The following LRIF1 variants were observed in gnomAD, a reference collection of about 807,000 sequenced individuals.
The protein encoded by LRIF1 is ligand dependent nuclear receptor interacting factor 1.
A neutral mutation model predicts 52.7 loss-of-function variants in LRIF1; 32 were observed. The ratio of observed to expected loss-of-function variants is 0.61; its 90% CI spans 0.46 to 0.82. LRIF1 has a LOEUF of 0.82. Among genes scored for constraint, LRIF1 ranks in the 40% least tolerant of loss-of-function variants. LRIF1 has a pLI of 0.00. For missense variants in LRIF1, 887 were observed against 892.0 expected, an observed-to-expected ratio of 0.99 and a Z score of 0.07; for synonymous variants, 323 against 317.4, an observed-to-expected ratio of 1.02 and a Z score of -0.19.
chr1:110,881,565 A>C, the LRIF1 span, among the ~76,000 whole-genome samples: 5 of 152,290 alleles, frequency 3.3e-5, no homozygotes, highest in South Asian at 1.0e-3. Flanking sequence ...AAAACTATGA[A>C]CCTTCCTGTA....
chr1:110,896,694 T>C, the LRIF1 span: 2 of 1,613,580 alleles, frequency 1.2e-6, no homozygotes, highest in Non-Finnish European at 1.7e-6. Context: ...ATTGGACCAG[T>C]GGCCCACCAG....
chr1:110,947,396 A>G lies in LRIF1; in HGVS notation c.*563T>C, dbSNP rs1489804331. On this transcript the variant is annotated 3_prime_UTR_variant, in exon 4 of 4. Transcript: ENST00000369763. The stretch of plus-strand genomic sequence containing the variant: ...ATAAAATTACATTGTAAAGTTACAA[A>G]TGTTGCTCATTCTTGAGAAATGTTT... 6.6e-6 allele frequency: 1 copy of G among 152,246 alleles called. No individual in the cohort carries two copies. Among genetic ancestry groups the G allele is most frequent in the Non-Finnish European group, 1.5e-5 (1 of 68,054 alleles). 9.4% of individuals were successfully genotyped at this position (152,246 alleles called of 1,614,324 possible).
chr1:110,916,151 G>A, the LRIF1 span, among the ~76,000 whole-genome samples: 1 of 152,064 alleles, frequency 6.6e-6, no homozygotes, highest in East Asian at 1.9e-4. Flanking sequence ...AGTGATCCCA[G>A]ATGAAAAGTC....
chr1:110,887,950 T>G, the LRIF1 span, among the ~76,000 whole-genome samples: 5 of 152,222 alleles, frequency 3.3e-5, no homozygotes, highest in East Asian at 9.6e-4. Context: ...GGGGTGATTA[T>G]CCTGGATTAG....
the LRIF1 span, among the ~76,000 whole-genome samples, chr1:110,927,703 T>C: frequency 6.6e-6 from 1 of 152,154 alleles, no homozygotes; most frequent in Admixed American, 6.6e-5. Flanking sequence ...ACTTTTACCT[T>C]CCAGGTTTTC....
rs760354448 is a variant in LRIF1, at chr1:110,951,922, A to G, written c.962T>C (p.Phe321Ser). 10 of 1,613,924 alleles carry G rather than the reference A, an allele frequency of 6.2e-6. No individual in the cohort carries two copies. In the Admixed American group the frequency reaches 8.3e-5, roughly 13 times the overall value. ...ATCTCCCAAATTTTTCCTATCTACA[A>G]AAGTTTTTAAAATCTTTGAAGCCAC... is the stretch of plus-strand genomic sequence containing the variant. ...NNVASKILKT[F>S]VDRKNLGDNT... Residue 321 changes from phenylalanine to serine, a missense_variant, in exon 2 of 4, where the codon TTT (phenylalanine) becomes TCT (serine). Physicochemically the swap from Phe to Ser is radical, Grantham distance 155. Coordinates refer to ENST00000369763, the MANE Select transcript of LRIF1 (RefSeq NM_018372.4).
chr1:110,963,105 TTC>T (rs902422248), intron 1 of LRIF1, among the ~76,000 whole-genome samples: 2 of 152,258 alleles, frequency 1.3e-5, no homozygotes, highest in Admixed American at 6.5e-5. Flanking sequence ...CCAGTCTTAC[TTC>T]TCTCTCTTCA....
the LRIF1 span, among the ~76,000 whole-genome samples, chr1:110,917,078 C>T: frequency 1.3e-5 from 2 of 152,188 alleles, no homozygotes; most frequent in Non-Finnish European, 2.9e-5. Flanking sequence ...GGGCAGCAGC[C>T]AGTCTAGCAA....
chr1:110,956,369 A>G (rs1658701163), intron 1 of LRIF1, among the ~76,000 whole-genome samples: 1 of 152,230 alleles, frequency 6.6e-6, no homozygotes, highest in African/African-American at 2.4e-5. Context: ...CAAAAAAATC[A>G]AAGAAGAGCA....
the LRIF1 span, among the ~76,000 whole-genome samples, chr1:110,917,281 C>T: frequency 5.9e-5 from 9 of 152,356 alleles, no homozygotes; most frequent in African/African-American, 2.2e-4. Flanking sequence ...TTGCCACTCT[C>T]TCCCAATTTA....
intron 1 of LRIF1, among the ~76,000 whole-genome samples, chr1:110,963,050 T>C (rs1159776923): frequency 6.6e-6 from 1 of 152,212 alleles, no homozygotes; most frequent in African/African-American, 2.4e-5. Flanking sequence ...TACACCCTAC[T>C]TCAAAAAGGC....
At chr1:110,911,280 C>T in the LRIF1 span, among the ~76,000 whole-genome samples, 1 of 152,024 alleles carries the variant, frequency 6.6e-6, no homozygotes, top group Non-Finnish European at 1.5e-5. Flanking sequence ...CATACAACCT[C>T]CCAAGACTGA....
At chr1:110,901,755 C>T in the LRIF1 span, among the ~76,000 whole-genome samples, 1 of 152,166 alleles carries the variant, frequency 6.6e-6, no homozygotes, top group Non-Finnish European at 1.5e-5. Flanking sequence ...GGATTATAGG[C>T]GTGAGGCACC....
At chr1:110,955,150 A>T (rs912443391) in intron 1 of LRIF1, among the ~76,000 whole-genome samples, 1 of 152,148 alleles carries the variant, frequency 6.6e-6, no homozygotes, top group African/African-American at 2.4e-5. Context: ...CCCAAGTTCC[A>T]TCTTCTGCAG....
the LRIF1 span, among the ~76,000 whole-genome samples, chr1:110,916,133 A>G: frequency 5.9e-5 from 9 of 152,208 alleles, no homozygotes; most frequent in Non-Finnish European, 1.2e-4. Flanking sequence ...TATGTACTTT[A>G]GGCAGAAAGT....
chr1:110,921,046 G>T, the LRIF1 span, among the ~76,000 whole-genome samples: 1 of 152,090 alleles, frequency 6.6e-6, no homozygotes, highest in South Asian at 2.1e-4. Context: ...AAGTACAAAT[G>T]AACATGACTT....
At position 110,952,819 on chromosome 1, in the gene LRIF1, A is replaced by G; in HGVS notation, c.69-4T>C. 6.4e-7 allele frequency: 1 copy of G among 1,557,866 alleles called. No individual in the cohort carries two copies. Among genetic ancestry groups the G allele is most frequent in the African/African-American group, 1.4e-5 (1 of 73,098 alleles). On this transcript the variant is annotated splice_polypyrimidine_tract_variant and splice_region_variant and intron_variant, in intron 1 of 3. Coordinates refer to ENST00000369763, the MANE Select transcript of LRIF1 (RefSeq NM_018372.4). Reference sequence around the variant, plus strand: ...TTGGTACATGCAGCCTGAAACACTTAAAAGAACATTGAGTAAATAAATACA... The same window carrying G: ...TTGGTACATGCAGCCTGAAACACTTGAAAGAACATTGAGTAAATAAATACA...
chr1:110,901,165 TTTTTTG>T, the LRIF1 span, among the ~76,000 whole-genome samples: 4 of 150,972 alleles, frequency 2.6e-5, no homozygotes, highest in African/African-American at 9.7e-5. Flanking sequence ...TTTTTGTTTG[TTTTTTG>T]TTTTTGTTTG....
the LRIF1 span, among the ~76,000 whole-genome samples, chr1:110,935,344 G>T: frequency 6.6e-6 from 1 of 152,106 alleles, no homozygotes; most frequent in Non-Finnish European, 1.5e-5. Flanking sequence ...ACTAAATAAG[G>T]TACCAAGGAC....
Sources: allele counts gnomAD v4.1 joint callset (sites outside exome capture counted in the v4.1 genomes callset), GRCh38; gene constraint gnomAD v4.1.1; transcripts MANE v1.5; gene names NCBI Gene and HGNC (gene_info 2026-07-23, HGNC 2026-07-21).